Variants in PHYHIPL observed in about 807,000 individuals in gnomAD.
The protein encoded by PHYHIPL is phytanoyl-CoA hydroxylase-interacting protein-like.
Under a neutral mutation model 33.4 loss-of-function variants are expected in PHYHIPL, and 9 were observed. The observed-to-expected ratio is 0.27, with a 90% CI of 0.16 to 0.47. PHYHIPL has a LOEUF of 0.47. PHYHIPL is among the 20% of genes least tolerant of loss of function. The probability of loss-of-function intolerance (pLI) is 0.99; values close to 1 mark genes in which losing one functional copy is unlikely to be tolerated. For missense variants in PHYHIPL, 365 were observed against 460.7 expected, an observed-to-expected ratio of 0.79 and a Z score of 1.90; for synonymous variants, 153 against 154.1, an observed-to-expected ratio of 0.99 and a Z score of 0.05.
In PHYHIPL at chr10:59,198,822, T is replaced by C. The variant is rs559520059; in HGVS notation, c.106+21863T>C. ...GATGACCAGTGATGATGAGAGTTTT[T>C]TCATGTGTCTGTTGGCTGCATAAAT... On this transcript the variant is annotated intron_variant, in intron 1 of 4. Transcript: ENST00000373880. Among the ~76,000 whole-genome samples the C allele has an allele frequency of 1.1e-4, 16 of 152,362 alleles. No individual in the cohort carries two copies. In the South Asian group the frequency reaches 1.4e-3, roughly 14 times the overall value.
At chr10:59,185,253 G>A (rs1274816817) in intron 1 of PHYHIPL, among the ~76,000 whole-genome samples, 1 of 152,120 alleles carries the variant, frequency 6.6e-6, no homozygotes, top group Non-Finnish European at 1.5e-5. Flanking sequence ...GCCTCCCAAA[G>A]TGCTGGGATT....
At chr10:59,221,622 G>A (rs375729623) in intron 1 of PHYHIPL, 8 of 948,310 alleles carry the variant, frequency 8.4e-6, no homozygotes, top group East Asian at 2.3e-4. Flanking sequence ...ATTTTGTGCT[G>A]CTTCTCATGT....
At chr10:59,186,105 C>A (rs1158233248) in intron 1 of PHYHIPL, among the ~76,000 whole-genome samples, 1 of 152,148 alleles carries the variant, frequency 6.6e-6, no homozygotes, top group African/African-American at 2.4e-5. Flanking sequence ...TTAGGTCTAA[C>A]ATTTAAGTCT....
At chr10:59,211,147 A>G (rs928695430) in intron 1 of PHYHIPL, among the ~76,000 whole-genome samples, 17 of 151,962 alleles carry the variant, frequency 1.1e-4, no homozygotes, top group Non-Finnish European at 2.2e-4. Context: ...CCGAGGTGGG[A>G]GCATCACTTG....
upstream of PHYHIPL, among the ~76,000 whole-genome samples, chr10:59,174,282 A>G (rs1294439765): frequency 1.3e-5 from 2 of 151,808 alleles, no homozygotes; most frequent in Non-Finnish European, 1.5e-5. Context: ...AGAGAATAGG[A>G]TTTTCTTCTA....
intron 1 of PHYHIPL, among the ~76,000 whole-genome samples, chr10:59,220,250 A>G (rs1839730716): frequency 1.3e-5 from 2 of 152,120 alleles, no homozygotes; most frequent in South Asian, 4.1e-4. Context: ...GAAAAACAAA[A>G]CACCATGAAA....
In PHYHIPL at chr10:59,234,425, A is replaced by G; in HGVS notation, c.228A>G (p.Ser76=). The change falls in exon 2 of 5, where the codon TCA becomes TCG. Residue 76 remains serine, a synonymous_variant. Transcript: ENST00000373880. ...TTTCATGGGAAATGGATTCAAAATCAAAGGATCGCATTACACACTATTTTA... is the reference window on the plus strand; with the variant it reads ...TTTCATGGGAAATGGATTCAAAATCGAAGGATCGCATTACACACTATTTTA... The part of the protein sequence containing the change: ...FKISWEMDSK[S]KDRITHYFID... 6.2e-7 allele frequency: 1 copy of G among 1,604,528 alleles called. No individual in the cohort carries two copies. The highest frequency in any genetic ancestry group is 8.5e-7 in the Non-Finnish European group (1 of 1,176,624).
At chr10:59,181,294 G>A (rs555550030) in intron 1 of PHYHIPL, among the ~76,000 whole-genome samples, 9 of 152,078 alleles carry the variant, frequency 5.9e-5, no homozygotes, top group South Asian at 2.1e-4. Context: ...GGTCCTTGTC[G>A]TTTTTCTTAA....
chr10:59,203,511 C>G (rs1262308240), intron 1 of PHYHIPL, among the ~76,000 whole-genome samples: 1 of 152,066 alleles, frequency 6.6e-6, no homozygotes, highest in Non-Finnish European at 1.5e-5. Flanking sequence ...AGACTTGGAA[C>G]CAACCCAAAT....
intron 4 of PHYHIPL, among the ~76,000 whole-genome samples, chr10:59,238,947 A>G (rs112678388): frequency 6.6e-6 from 1 of 151,880 alleles, no homozygotes; most frequent in Non-Finnish European, 1.5e-5. Context: ...TGACTAGAGG[A>G]TCTTAAACCT....
chr10:59,194,079 T>G (rs1237367630), intron 1 of PHYHIPL, among the ~76,000 whole-genome samples: 3 of 146,692 alleles, frequency 2.0e-5, no homozygotes, highest in Admixed American at 6.8e-5. Context: ...TTTACCTATA[T>G]GTTTTTTTTT....
chr10:59,219,662 A>G (rs767085666), intron 1 of PHYHIPL, among the ~76,000 whole-genome samples: 3 of 152,166 alleles, frequency 2.0e-5, no homozygotes, highest in East Asian at 1.9e-4. Context: ...TATGTCAATT[A>G]CATGAATTTG....
chr10:59,244,088 T>G (rs888413628), intron 4 of PHYHIPL, among the ~76,000 whole-genome samples: 1 of 152,058 alleles, frequency 6.6e-6, no homozygotes, highest in African/African-American at 2.4e-5. Flanking sequence ...TGCTGGTGCC[T>G]CACATTGGTA....
chr10:59,211,291 C>T (rs1237513978), intron 1 of PHYHIPL, among the ~76,000 whole-genome samples: 1 of 152,086 alleles, frequency 6.6e-6, no homozygotes, highest in Non-Finnish European at 1.5e-5. Flanking sequence ...GCAGGAGGAT[C>T]ACTTGAGCCC....
At chr10:59,227,987 T>C (rs1437023699) in intron 1 of PHYHIPL, among the ~76,000 whole-genome samples, 1 of 151,650 alleles carries the variant, frequency 6.6e-6, no homozygotes, top group Non-Finnish European at 1.5e-5. Context: ...TATATATATA[T>C]GTTTTAAATA....
At chr10:59,221,768 T>C (rs953135131) in intron 1 of PHYHIPL, 6 of 806,322 alleles carry the variant, frequency 7.4e-6, no homozygotes, top group South Asian at 5.7e-5. Flanking sequence ...TCCCTGAGGA[T>C]TGTGAATTAA....
chr10:59,176,735 G>C lies in PHYHIPL; in HGVS notation c.-119G>C. ...CTCAGCCTCGGCGCCGCATCACCGCGTCCCAGGCCTCCTTCCCTCCCTCTG... is the reference window on the plus strand; with the variant it reads ...CTCAGCCTCGGCGCCGCATCACCGCCTCCCAGGCCTCCTTCCCTCCCTCTG... On this transcript the variant is annotated 5_prime_UTR_variant, in exon 1 of 5. Transcript: ENST00000373880. 1 of 901,104 alleles carries C rather than the reference G, an allele frequency of 1.1e-6. No individual in the cohort carries two copies. Among genetic ancestry groups the C allele is most frequent in the East Asian group, 2.8e-5 (1 of 35,890 alleles). 55.8% of individuals were successfully genotyped at this position (901,104 alleles called of 1,614,324 possible).
At chr10:59,207,116 A>G (rs7081373) in intron 1 of PHYHIPL, among the ~76,000 whole-genome samples, 1 of 152,198 alleles carries the variant, frequency 6.6e-6, no homozygotes, top group Non-Finnish European at 1.5e-5. Context: ...ATTACTTAAG[A>G]ATATCACAGA....
rs561512582 is a variant in PHYHIPL, at chr10:59,238,573, T to A, written c.479-15T>A. 11 of 1,463,280 alleles carry A rather than the reference T, an allele frequency of 7.5e-6. No homozygotes were observed. In the East Asian group the frequency reaches 1.6e-4, roughly 21 times the overall value. 90.6% of individuals were successfully genotyped at this position (1,463,280 alleles called of 1,614,324 possible). On this transcript the variant is annotated splice_polypyrimidine_tract_variant and intron_variant, in intron 3 of 4. Transcript: ENST00000373880. The stretch of plus-strand genomic sequence containing the variant: ...TGCAATATTTTTAATAACAGACTTT[T>A]TGGGTTTTTTCCAGACTATTCAAAA...
Sources: allele counts gnomAD v4.1 joint callset (sites outside exome capture counted in the v4.1 genomes callset), GRCh38; gene constraint gnomAD v4.1.1; transcripts MANE v1.5; gene names NCBI Gene and HGNC (gene_info 2026-07-23, HGNC 2026-07-21).